The following PBRM1 variants were observed in gnomAD, a reference collection of about 807,000 sequenced individuals.
PBRM1 encodes the protein polybromo 1.
PBRM1 carries 27 observed loss-of-function variants against 194.5 expected under a neutral mutation model. The observed-to-expected ratio is 0.14, with a 90% CI of 0.10 to 0.19. PBRM1 has a LOEUF of 0.19. Ranked by LOEUF, PBRM1 falls within the 10% of genes least tolerant of loss-of-function variation. PBRM1 has a pLI of 1.00. For synonymous variants in PBRM1, 655 were observed against 693.2 expected, an observed-to-expected ratio of 0.94 and a Z score of 0.87; for missense variants, 1,466 against 2,077.2, an observed-to-expected ratio of 0.71 and a Z score of 5.72.
chr3:52,618,746 C>A (rs2095114135), intron 13 of PBRM1, among the ~76,000 whole-genome samples: 3 of 151,420 alleles, frequency 2.0e-5, no homozygotes, highest in African/African-American at 7.3e-5. Context: ...AGGCGCCTGC[C>A]ACGACGCCCT....
intron 2 of PBRM1, among the ~76,000 whole-genome samples, chr3:52,675,306 A>C (rs1010713142): frequency 1.3e-5 from 2 of 152,220 alleles, no homozygotes; most frequent in East Asian, 1.9e-4. Flanking sequence ...TAACACACCA[A>C]GCCTTATGAA....
In PBRM1 at chr3:52,652,946, C is replaced by T. The variant is rs548771969; in HGVS notation, c.646-1136G>A. Among the ~76,000 whole-genome samples, 74 of 151,814 alleles carry T rather than the reference C, an allele frequency of 4.9e-4. 1 individual carries two copies. The highest frequency in any genetic ancestry group is 1.7e-3 in the African/African-American group (71 of 41,370). On this transcript the variant is annotated intron_variant, in intron 5 of 29. Coordinates refer to ENST00000296302, the Ensembl canonical transcript of PBRM1. The stretch of plus-strand genomic sequence containing the variant: ...GCAGGAGATGGAGGTTGCAGTGAGC[C>T]GAGATCACGCCATTGTACTCCAGCC...
intron 3 of PBRM1, among the ~76,000 whole-genome samples, chr3:52,663,476 AAGTT>A (rs1404909464): frequency 6.6e-6 from 1 of 152,222 alleles, no homozygotes; most frequent in African/African-American, 2.4e-5. Context: ...CTTCATCGTA[AAGTT>A]AGCCTTAACA....
At position 52,548,238 on chromosome 3, in the gene PBRM1, GA is replaced by G. The variant is rs757599935; in HGVS notation, c.4898-4del. 1 of 1,570,436 alleles carries G rather than the reference GA, an allele frequency of 6.4e-7. No homozygotes were observed. Among genetic ancestry groups the G allele is most frequent in the Non-Finnish European group, 8.6e-7 (1 of 1,164,474 alleles). On this transcript the variant is annotated splice_region_variant and splice_polypyrimidine_tract_variant and intron_variant, in intron 29 of 29. Coordinates refer to ENST00000296302, the Ensembl canonical transcript of PBRM1. ...CAAATGGACGTCGCGTCTTCGAGCT[GA>G]AAATTAAAGTACAGAGAGACAGAAA...
At chr3:52,668,783 TAAAAAAAAAAAA>T (rs143631943) in intron 2 of PBRM1, 138 bp from the exon 4 acceptor site, 15 of 208,918 alleles carry the variant, frequency 7.2e-5, no homozygotes, top group African/African-American at 4.1e-4. Flanking sequence ...GAAGCTTACT[TAAAAAAAAAAAA>T]AAAAGAAAAA....
chr3:52,632,894 A>T (rs1356135924), intron 11 of PBRM1, among the ~76,000 whole-genome samples: 2 of 151,974 alleles, frequency 1.3e-5, no homozygotes, highest in Non-Finnish European at 2.9e-5. Flanking sequence ...GGGTTTCACA[A>T]TGTTGGCCGG....
chr3:52,592,116 C>T (rs925614844), intron 17 of PBRM1, among the ~76,000 whole-genome samples: 1 of 148,194 alleles, frequency 6.7e-6, no homozygotes, highest in African/African-American at 2.5e-5. Flanking sequence ...TGAGCCACTG[C>T]ACCAGGTTTT....
In PBRM1 at chr3:52,561,990, T is replaced by C. The variant is rs758446232; in HGVS notation, c.4087-22A>G. ...TAGACTGTAAGACAGAAAGGTCTTA[T>C]GGTGCATCAAAACATTACATTTGGT... On this transcript the variant is annotated intron_variant, in intron 24 of 29. Transcript: ENST00000296302. The C allele has an allele frequency of 5.1e-6, 8 of 1,576,588 alleles. No homozygotes were observed. In the Admixed American group the frequency reaches 6.7e-5, roughly 13 times the overall value.
intron 17 of PBRM1, among the ~76,000 whole-genome samples, chr3:52,598,891 G>A (rs889285043): frequency 6.6e-5 from 10 of 152,060 alleles, no homozygotes; most frequent in South Asian, 4.2e-4. Context: ...GTGTGGTGGC[G>A]CACGCCTGTA....
intron 3 of PBRM1, 80 bp from the exon 5 acceptor site, chr3:52,662,356 C>T (rs2153932755): frequency 8.4e-7 from 1 of 1,185,394 alleles, no homozygotes; most frequent in African/African-American, 1.5e-5. Context: ...GCACCTGTTT[C>T]AGCAAAGACC....
chr3:52,583,294 C>G (rs919727487), intron 20 of PBRM1, among the ~76,000 whole-genome samples: 1 of 151,498 alleles, frequency 6.6e-6, no homozygotes, highest in Non-Finnish European at 1.5e-5. Context: ...CCTGCAATCC[C>G]AGCCACTCAG....
chr3:52,561,882 A>C, exon 25 of PBRM1: 2 of 1,613,888 alleles, frequency 1.2e-6, no homozygotes, highest in Non-Finnish European at 1.7e-6. Flanking sequence ...CCCTCATCTC[A>C]CTGCTGAACA....
intron 6 of PBRM1, among the ~76,000 whole-genome samples, chr3:52,648,798 T>C (rs771700772): frequency 6.6e-6 from 1 of 152,182 alleles, no homozygotes; most frequent in African/African-American, 2.4e-5. Context: ...TTAAAGTGGA[T>C]TTAATAGTGT....
chr3:52,566,036 C>T (rs1194823625), intron 22 of PBRM1, among the ~76,000 whole-genome samples: 4 of 149,754 alleles, frequency 2.7e-5, no homozygotes, highest in Non-Finnish European at 5.9e-5. Flanking sequence ...GGCGAAAGAG[C>T]GAGACTCTGT....
chr3:52,674,248 A>C (rs1433452346), intron 2 of PBRM1, among the ~76,000 whole-genome samples: 11 of 151,916 alleles, frequency 7.2e-5, no homozygotes, highest in Non-Finnish European at 1.0e-4. Flanking sequence ...TTGGAAGGCC[A>C]AGGTAGGCGG....
At chr3:52,555,018 A>G in intron 26 of PBRM1, 139 bp from the exon 29 acceptor site, 2 of 642,626 alleles carry the variant, frequency 3.1e-6, no homozygotes, top group Non-Finnish European at 5.3e-6. Context: ...TAGTGCAATT[A>G]TTTTGCTGCA....
At chr3:52,648,570 T>C (rs564633927) in intron 6 of PBRM1, 128 bp from the exon 8 acceptor site, 3 of 480,216 alleles carry the variant, frequency 6.2e-6, no homozygotes, top group African/African-American at 4.0e-5. Flanking sequence ...AGTACACATA[T>C]GAACAACATG....
At chr3:52,643,285 G>C in exon 9 of PBRM1, 1 of 1,613,760 alleles carries the variant, frequency 6.2e-7, no homozygotes, top group Non-Finnish European at 8.5e-7. Context: ...TCTTCACCAA[G>C]GCTGCCTTTA....
chr3:52,637,426 G>A (rs1392366431), intron 10 of PBRM1, among the ~76,000 whole-genome samples: 1 of 152,016 alleles, frequency 6.6e-6, no homozygotes. Flanking sequence ...GAGCTCAGGC[G>A]TTTGAGACCA....
Sources: gnomAD v4.1 joint callset for allele counts (sites outside exome capture counted in the v4.1 genomes callset) on GRCh38, gnomAD v4.1.1 for gene constraint, MANE v1.5 for transcripts, NCBI Gene and HGNC (gene_info 2026-07-23, HGNC 2026-07-21) for gene names.